GPC5: variants seen among roughly 807,000 people sequenced by gnomAD.
The protein encoded by GPC5 is glypican 5, also known as glypican-5.
In GPC5, 47 loss-of-function variants were observed where a neutral mutation model predicts 53.9. That is an observed-to-expected ratio of 0.87 (90% CI 0.69 to 1.11). GPC5 has a LOEUF of 1.11. Ranked by LOEUF, GPC5 falls within the 50% of genes most tolerant of loss-of-function variation. The pLI, the probability that GPC5 is intolerant of heterozygous loss-of-function variation, is 0.00. For synonymous variants in GPC5, 286 were observed against 263.3 expected (o/e 1.09, Z -0.84); for missense variants, 748 against 713.1 (o/e 1.05, Z -0.56).
At chr13:92,016,396 T>C (rs1190424196) in intron 6 of GPC5, among the ~76,000 whole-genome samples, 1 of 152,186 alleles carries the variant, frequency 6.6e-6, no homozygotes, top group East Asian at 1.9e-4. Flanking sequence ...ATCTAAAGGC[T>C]CACAGCTACG....
chr13:92,337,533 G>T (rs2139243482), intron 7 of GPC5, among the ~76,000 whole-genome samples: 1 of 152,250 alleles, frequency 6.6e-6, no homozygotes, highest in East Asian at 1.9e-4. Flanking sequence ...GTTGGAGACT[G>T]ACAATACCAG....
rs9523433 is a variant in GPC5, at chr13:91,851,785, A to G, written c.1281-56152A>G. 5.0e-3 allele frequency among the ~76,000 whole-genome samples: 710 copies of G among 141,870 alleles called. 10 individuals carry two copies. Among genetic ancestry groups the G allele is most frequent in the Non-Finnish European group, 8.3e-3 (545 of 66,012 alleles). The allele number at this position is 141,870 out of a possible 152,430, so 93.1% of individuals were successfully genotyped here. Reference sequence around the variant, plus strand: ...TTGTTCTTGCGATAGTTTACTGAGAATGATGATTTCCAATTTCATCCATGT... The same window carrying G: ...TTGTTCTTGCGATAGTTTACTGAGAGTGATGATTTCCAATTTCATCCATGT... On this transcript the variant is annotated intron_variant, in intron 5 of 7. Transcript: ENST00000377067.
At chr13:91,759,451 A>T (rs918028840) in intron 5 of GPC5, among the ~76,000 whole-genome samples, 1 of 152,070 alleles carries the variant, frequency 6.6e-6, no homozygotes, top group African/African-American at 2.4e-5. Context: ...CTGTTGTGCT[A>T]TCTAATACTA....
Position 91,693,644 on chromosome 13 carries a change from C to A in GPC5, c.783C>A (p.Cys261Ter), listed in dbSNP as rs1480998702. ...ALLKMQYCPH[C>*]QGLALTKPCM... The stretch of plus-strand genomic sequence containing the variant: ...TGAAGATGCAATACTGCCCGCACTG[C>A]CAAGGCCTGGCGCTCACTAAGCCTT... The change falls in exon 3 of 8, where the codon TGC (cysteine) becomes TGA (stop). Residue 261 changes from cysteine to a stop codon, truncating the protein, a stop_gained. Coordinates refer to ENST00000377067, the MANE Select transcript of GPC5 (RefSeq NM_004466.6). LOFTEE classifies it high-confidence loss of function. 1 of 1,614,082 alleles carries A rather than the reference C, an allele frequency of 6.2e-7. No homozygotes were observed. The highest frequency in any genetic ancestry group is 8.5e-7 in the Non-Finnish European group (1 of 1,179,968).
intron 7 of GPC5, among the ~76,000 whole-genome samples, chr13:92,480,799 A>C (rs1304655338): frequency 6.6e-6 from 1 of 152,136 alleles, no homozygotes; most frequent in Non-Finnish European, 1.5e-5. Flanking sequence ...CTGGAAATGA[A>C]GGGATTAACC....
chr13:91,573,897 T>C (rs1029084379), intron 2 of GPC5, among the ~76,000 whole-genome samples: 1 of 152,194 alleles, frequency 6.6e-6, no homozygotes, highest in African/African-American at 2.4e-5. Flanking sequence ...TATGTATGTG[T>C]GTGCACACCT....
chr13:92,783,228 TCA>T (rs1389616928), intron 7 of GPC5, among the ~76,000 whole-genome samples: 1 of 152,194 alleles, frequency 6.6e-6, no homozygotes, highest in Non-Finnish European at 1.5e-5. Context: ...ATTCACTCTC[TCA>T]CCTCTTTCAC....
intron 5 of GPC5, among the ~76,000 whole-genome samples, chr13:91,896,063 T>G (rs2039438456): frequency 6.6e-6 from 1 of 152,054 alleles, no homozygotes. Context: ...TGTGATTGTA[T>G]TTAGGGCCTG....
Position 92,389,779 on chromosome 13 carries a change from A to C in GPC5, c.1561+244790A>C, listed in dbSNP as rs568079011. Among the ~76,000 whole-genome samples, 103 of 152,322 alleles carry C rather than the reference A, an allele frequency of 6.8e-4. 2 individuals are homozygous for C. In the South Asian group the frequency reaches 0.02, roughly 30 times the overall value. On this transcript the variant is annotated intron_variant, in intron 7 of 7. Transcript: ENST00000377067. Reference sequence around the variant, plus strand: ...TCAGTGAGGCCATCAATGTATGAACACACTGATATTAGTCATTATGATAAT... The same window carrying C: ...TCAGTGAGGCCATCAATGTATGAACCCACTGATATTAGTCATTATGATAAT...
chr13:91,965,538 T>C (rs2040172749), intron 6 of GPC5, among the ~76,000 whole-genome samples: 2 of 152,208 alleles, frequency 1.3e-5, no homozygotes, highest in Admixed American at 6.5e-5. Context: ...TGTACATATC[T>C]TCAGATTCAT....
chr13:91,836,489 T>A (rs548864656), intron 5 of GPC5, among the ~76,000 whole-genome samples: 1 of 152,210 alleles, frequency 6.6e-6, no homozygotes, highest in East Asian at 1.9e-4. Flanking sequence ...AATATTACTG[T>A]TAATATTTCA....
chr13:91,572,934 T>C (rs2031990157), intron 2 of GPC5, among the ~76,000 whole-genome samples: 2 of 152,172 alleles, frequency 1.3e-5, no homozygotes, highest in Admixed American at 1.3e-4. Context: ...TTTATTATAA[T>C]TGTCCCAAAT....
At chr13:91,525,522 T>G (rs1886044429) in intron 2 of GPC5, among the ~76,000 whole-genome samples, 1 of 152,174 alleles carries the variant, frequency 6.6e-6, no homozygotes, top group African/African-American at 2.4e-5. Context: ...ATTACAGAAC[T>G]GGGGAGTTGA....
At chr13:91,998,003 A>G (rs554779574) in intron 6 of GPC5, among the ~76,000 whole-genome samples, 6 of 152,172 alleles carry the variant, frequency 3.9e-5, no homozygotes, top group Non-Finnish European at 5.9e-5. Flanking sequence ...TTACACTCAC[A>G]TTTATTTTTA....
intron 6 of GPC5, among the ~76,000 whole-genome samples, chr13:92,025,767 A>G (rs181712902): frequency 6.6e-5 from 10 of 152,308 alleles, no homozygotes; most frequent in Admixed American, 5.9e-4. Flanking sequence ...CTCTTTATAT[A>G]CAACCATAAT....
chr13:92,214,332 A>G (rs1374913088), intron 7 of GPC5, among the ~76,000 whole-genome samples: 3 of 152,226 alleles, frequency 2.0e-5, no homozygotes, highest in Non-Finnish European at 2.9e-5. Flanking sequence ...GCAAAACACT[A>G]TAGAAGACCA....
intron 2 of GPC5, among the ~76,000 whole-genome samples, chr13:91,620,806 G>A (rs2033833915): frequency 6.6e-6 from 1 of 152,100 alleles, no homozygotes; most frequent in African/African-American, 2.4e-5. Context: ...TCACATATAT[G>A]TGGCTATTGG....
chr13:92,553,357 C>T (rs1411394488), intron 7 of GPC5, among the ~76,000 whole-genome samples: 1 of 151,942 alleles, frequency 6.6e-6, no homozygotes, highest in African/African-American at 2.4e-5. Flanking sequence ...CTCATAATTT[C>T]TCACCTAGAT....
chr13:91,703,236 C>G (rs947665644), intron 3 of GPC5, among the ~76,000 whole-genome samples: 4 of 152,040 alleles, frequency 2.6e-5, no homozygotes, highest in Non-Finnish European at 4.4e-5. Flanking sequence ...CAAGAGTGGA[C>G]ACTCTTGTCC....
Sources: gnomAD v4.1 joint callset for allele counts (sites outside exome capture counted in the v4.1 genomes callset) on GRCh38, gnomAD v4.1.1 for gene constraint, MANE v1.5 for transcripts, NCBI Gene and HGNC (gene_info 2026-07-23, HGNC 2026-07-21) for gene names.